BMS1: variants seen among roughly 807,000 people sequenced by gnomAD.
The protein encoded by BMS1 is ribosome biogenesis protein BMS1 homolog.
BMS1 carries 53 observed loss-of-function variants against 138.7 expected under a neutral mutation model. That is an observed-to-expected ratio of 0.38 (90% CI 0.31 to 0.48). The LOEUF (loss-of-function observed/expected upper bound fraction) is 0.48, where lower values mean the gene tolerates loss of function less well. BMS1 is among the 20% of genes least tolerant of loss of function. The probability of loss-of-function intolerance (pLI) is 0.97; values close to 1 mark genes in which losing one functional copy is unlikely to be tolerated. For missense variants in BMS1, 1,360 were observed against 1,565.5 expected (o/e 0.87, Z 2.22); for synonymous variants, 504 against 539.9 (o/e 0.93, Z 0.92).
intron 21 of BMS1, among the ~76,000 whole-genome samples, chr10:42,829,091 A>C (rs905788307): frequency 2.0e-5 from 3 of 152,228 alleles, no homozygotes; most frequent in African/African-American, 7.2e-5. Flanking sequence ...CAAAACTTTC[A>C]ATTTATTAAC....
chr10:42,792,942 G>A lies in BMS1; in HGVS notation c.902-15G>A, dbSNP rs1313849664. The A allele has an allele frequency of 6.2e-7, 1 of 1,600,724 alleles. No individual in the cohort carries two copies. Among genetic ancestry groups the A allele is most frequent in the African/African-American group, 1.3e-5 (1 of 74,106 alleles). ...TCTTGTCAGCTGAAGCTGGCTTTTG[G>A]GTTCTGTCTTCCAGGGGTAGGAGAT... On this transcript the variant is annotated splice_polypyrimidine_tract_variant and intron_variant, in intron 7 of 22. Transcript: ENST00000374518.
intron 8 of BMS1, 65 bp from the exon 9 acceptor site, chr10:42,793,787 G>A: frequency 6.5e-7 from 1 of 1,529,288 alleles, no homozygotes; most frequent in South Asian, 1.2e-5. Flanking sequence ...GAAACTGAGT[G>A]AAGCTCGTGT....
In BMS1 at chr10:42,830,971, A is replaced by G. The variant is rs552025209; in HGVS notation, c.3724A>G (p.Lys1242Glu). ...TAAAGAGCACTTCAGAGCCAAGCAG[A>G]AGGAGGAGGAGGAGAAGCTGAAGCG... is the stretch of plus-strand genomic sequence containing the variant. ...HNKEHFRAKQ[K>E]EEEEKLKRQK... The change falls in exon 23 of 23, where the codon AAG (lysine) becomes GAG (glutamate). Residue 1242 changes from lysine (K) to glutamate (E), a missense_variant. Lys to Glu is a moderately conservative substitution (Grantham distance 56, BLOSUM62 1). Around this residue, in one of 3 missense-constraint regions of BMS1, gnomAD observed 425 missense variants for 568.3 expected, o/e 0.75. Coordinates refer to ENST00000374518, the MANE Select transcript of BMS1 (RefSeq NM_014753.4). 3.3e-5 allele frequency: 53 copies of G among 1,609,020 alleles called. No homozygotes were observed. Among genetic ancestry groups the G allele is most frequent in the African/African-American group, 1.6e-4 (12 of 74,818 alleles).
At chr10:42,823,856 C>T in intron 21 of BMS1, 72 bp downstream of exon 21, 1 of 1,246,224 alleles carries the variant, frequency 8.0e-7, no homozygotes, top group Non-Finnish European at 1.0e-6. Context: ...AGACACTTTT[C>T]TATAATTTCT....
rs1233825377 is a variant in BMS1 at position 42,805,638 on chromosome 10, T to G, written c.2329+3420T>G. ...TGAACATAGTAACTCTCCATTTATCTTGTTCTTTAATTTCTCTCAGCAAGG... is the reference window on the plus strand; with the variant it reads ...TGAACATAGTAACTCTCCATTTATCGTGTTCTTTAATTTCTCTCAGCAAGG... On this transcript the variant is annotated intron_variant, in intron 13 of 22. Transcript: ENST00000374518. Among the ~76,000 whole-genome samples the G allele has an allele frequency of 9.8e-5, 15 of 152,364 alleles. No individual in the cohort carries two copies. The East Asian group carries it at 2.9e-3, about 29-fold the overall frequency.
chr10:42,824,749 T>C (rs1293442854), intron 21 of BMS1, among the ~76,000 whole-genome samples: 1 of 152,206 alleles, frequency 6.6e-6, no homozygotes, highest in Admixed American at 6.5e-5. Context: ...GACTGTCTTT[T>C]TTACCATTGT....
intron 3 of BMS1, among the ~76,000 whole-genome samples, chr10:42,786,494 A>G (rs956086637): frequency 5.3e-5 from 8 of 151,988 alleles, no homozygotes; most frequent in Non-Finnish European, 1.2e-4. Context: ...ATTACGGCTC[A>G]CTGCAGCCTC....
intron 4 of BMS1, among the ~76,000 whole-genome samples, chr10:42,789,556 A>G (rs1589131485): frequency 6.6e-6 from 1 of 151,666 alleles, no homozygotes; most frequent in Admixed American, 6.6e-5. Flanking sequence ...ATCTGCTTAT[A>G]TTTTCTTATA....
At chr10:42,821,314 G>A (rs557304477) in intron 18 of BMS1, among the ~76,000 whole-genome samples, 8 of 152,108 alleles carry the variant, frequency 5.3e-5, no homozygotes, top group South Asian at 2.1e-4. Flanking sequence ...CCCTGCAGCC[G>A]TGCAGGGAGT....
chr10:42,820,432 C>T lies in BMS1; in HGVS notation c.2769+8C>T, dbSNP rs750605284. 5 of 1,612,976 alleles carry T rather than the reference C, an allele frequency of 3.1e-6. No individual in the cohort carries two copies. In the South Asian group the frequency reaches 5.5e-5, roughly 18 times the overall value. Reference sequence around the variant, plus strand: ...AATGTTGGCTACGTGCAGGTGGGTCCCTTTGCTACATATTTGGTGCCTGAG... The same window carrying T: ...AATGTTGGCTACGTGCAGGTGGGTCTCTTTGCTACATATTTGGTGCCTGAG... On this transcript the variant is annotated splice_region_variant and intron_variant, in intron 16 of 22. Coordinates refer to ENST00000374518, the MANE Select transcript of BMS1 (RefSeq NM_014753.4).
chr10:42,819,067 A>C lies in BMS1; in HGVS notation c.2581-1169A>C, dbSNP rs543636908. On this transcript the variant is annotated intron_variant, in intron 15 of 22. Coordinates refer to ENST00000374518, the MANE Select transcript of BMS1 (RefSeq NM_014753.4). Reference sequence around the variant, plus strand: ...TGGGAGCAGAGGAACTGGAGGCTGCAACTGCAGAAAACTTTTGTGGGGTTT... The same window carrying C: ...TGGGAGCAGAGGAACTGGAGGCTGCCACTGCAGAAAACTTTTGTGGGGTTT... Among the ~76,000 whole-genome samples, 254 of 152,354 alleles carry C rather than the reference A, an allele frequency of 1.7e-3. 1 individual carries two copies. The highest frequency in any genetic ancestry group is 3.2e-3 in the Non-Finnish European group (217 of 68,032).
At chr10:42,802,069 C>A in intron 12 of BMS1, 68 bp from the exon 13 acceptor site, 1 of 1,249,618 alleles carries the variant, frequency 8.0e-7, no homozygotes, top group Non-Finnish European at 1.1e-6. Context: ...TCACCTACTG[C>A]CATTTCTTAG....
rs773249299 is a variant in BMS1, at chr10:42,830,894, C to T, written c.3647C>T (p.Thr1216Met). The change falls in exon 23 of 23, where the codon ACG becomes ATG. Residue 1216 changes from threonine (T) to methionine (M), a missense_variant. By Grantham distance (81) the Thr-to-Met change is moderately conservative (BLOSUM62 -1). Transcript: ENST00000374518. ...KILALLDALS[T>M]VHSQKMKKAK... ...CTTGCACTGCTGGATGCTCTGAGTA[C>T]GGTGCATAGTCAGAAGATGAAGAAG... The T allele has an allele frequency of 1.1e-5, 18 of 1,611,826 alleles. No individual in the cohort carries two copies. The highest frequency in any genetic ancestry group is 1.3e-5 in the African/African-American group (1 of 74,722).
intron 13 of BMS1, among the ~76,000 whole-genome samples, chr10:42,812,285 A>G (rs1442101503): frequency 6.6e-6 from 1 of 152,180 alleles, no homozygotes; most frequent in Admixed American, 6.5e-5. Flanking sequence ...AGCTGGTACT[A>G]TAGGTGTGTG....
At chr10:42,812,302 C>T (rs1842207313) in intron 13 of BMS1, among the ~76,000 whole-genome samples, 1 of 152,194 alleles carries the variant, frequency 6.6e-6, no homozygotes, top group Non-Finnish European at 1.5e-5. Context: ...TGTGCCGCCA[C>T]ACTTGGCTAA....
intron 12 of BMS1, 51 bp downstream of exon 12, chr10:42,798,676 A>G: frequency 6.3e-7 from 1 of 1,596,330 alleles, no homozygotes; most frequent in Non-Finnish European, 8.6e-7. Context: ...GAATTGTTCT[A>G]GAATAAGATT....
intron 15 of BMS1, among the ~76,000 whole-genome samples, chr10:42,818,042 G>A (rs201590400): frequency 2.6e-5 from 4 of 152,322 alleles, no homozygotes; most frequent in South Asian, 2.1e-4. Context: ...TGCTGGAGGC[G>A]GTGATCTCAC....
At chr10:42,811,061 A>G (rs1842160948) in intron 13 of BMS1, among the ~76,000 whole-genome samples, 3 of 146,960 alleles carry the variant, frequency 2.0e-5, no homozygotes, top group Non-Finnish European at 4.5e-5. Context: ...TTTTTTTTTG[A>G]GACTGAGTTT....
At chr10:42,826,073 G>A (rs759382336) in intron 21 of BMS1, among the ~76,000 whole-genome samples, 3 of 152,180 alleles carry the variant, frequency 2.0e-5, no homozygotes, top group Non-Finnish European at 4.4e-5. Flanking sequence ...CACATTGATT[G>A]ATTTACATAT....
Sources: gnomAD v4.1 joint callset for allele counts (sites outside exome capture counted in the v4.1 genomes callset) on GRCh38, gnomAD v4.1.1 for gene constraint, gnomAD v4.1.1 regional missense constraint, MANE v1.5 for transcripts, NCBI Gene and HGNC (gene_info 2026-07-23, HGNC 2026-07-21) for gene names.